The following ADGRB3 variants were observed in gnomAD, a reference collection of about 807,000 sequenced individuals.
ADGRB3 encodes the protein brain-specific angiogenesis inhibitor 3.
A neutral mutation model predicts 193.4 loss-of-function variants in ADGRB3; 37 were observed. That is an observed-to-expected ratio of 0.19 (90% CI 0.15 to 0.25). The LOEUF (loss-of-function observed/expected upper bound fraction) is 0.25. Ranked by LOEUF, ADGRB3 falls within the 10% of genes least tolerant of loss-of-function variation. The probability of loss-of-function intolerance (pLI) is 1.00; values close to 1 mark genes in which losing one functional copy is unlikely to be tolerated. For missense variants in ADGRB3, 1,637 were observed against 1,852.9 expected, an observed-to-expected ratio of 0.88 and a Z score of 2.14; for synonymous variants, 690 against 644.2, an observed-to-expected ratio of 1.07 and a Z score of -1.08.
At chr6:68,868,909 TG>T (rs942390882) in intron 3 of ADGRB3, among the ~76,000 whole-genome samples, 1 of 63,506 alleles carries the variant, frequency 1.6e-5, no homozygotes, top group Non-Finnish European at 3.5e-5. Flanking sequence ...TTCCAGATAA[TG>T]ATGTGTGTGT....
At chr6:69,278,762 C>T (rs1182738908) in intron 20 of ADGRB3, among the ~76,000 whole-genome samples, 1 of 151,960 alleles carries the variant, frequency 6.6e-6, no homozygotes, top group African/African-American at 2.4e-5. Context: ...GATTTGGTCT[C>T]AGTTTTGTTT....
In ADGRB3 at chr6:69,031,090, T is replaced by G. The variant is rs544254442; in HGVS notation, c.2107+12591T>G. Among the ~76,000 whole-genome samples the G allele has an allele frequency of 8.4e-4, 78 of 93,212 alleles. 4 individuals are homozygous for G. Among genetic ancestry groups the G allele is most frequent in the African/African-American group, 3.1e-3 (73 of 23,272 alleles). 61.2% of individuals were successfully genotyped at this position (93,212 alleles called of 152,430 possible). A position where few individuals can be genotyped will look rare whatever the true frequency, so the allele number is the denominator to read the frequency against. On this transcript the variant is annotated intron_variant, in intron 13 of 31. Transcript: ENST00000370598. ...TCTTCTCTTCTCTTCTCTTCTCTTC[T>G]CTTCTCTTCTCTTCTCTTCTCTTCT...
chr6:68,786,985 G>A (rs890105563), intron 3 of ADGRB3, among the ~76,000 whole-genome samples: 62 of 152,164 alleles, frequency 4.1e-4, no homozygotes, highest in Admixed American at 2.5e-3. Context: ...GAATGCTTGT[G>A]ATTTTTGCAC....
At chr6:69,059,086 T>C (rs1292215122) in intron 15 of ADGRB3, among the ~76,000 whole-genome samples, 1 of 152,106 alleles carries the variant, frequency 6.6e-6, no homozygotes, top group African/African-American at 2.4e-5. Flanking sequence ...TTGTTACTAT[T>C]TATTTCTTTC....
At chr6:68,669,851 T>C (rs769837244) in intron 3 of ADGRB3, among the ~76,000 whole-genome samples, 1 of 151,974 alleles carries the variant, frequency 6.6e-6, no homozygotes, top group Non-Finnish European at 1.5e-5. Flanking sequence ...TCCAAACTGT[T>C]GTCCATAGTG....
chr6:68,961,585 G>A (rs1768234797), intron 8 of ADGRB3, among the ~76,000 whole-genome samples: 1 of 152,076 alleles, frequency 6.6e-6, no homozygotes, highest in Non-Finnish European at 1.5e-5. Flanking sequence ...TTTTGTCTTT[G>A]AGACAAATTT....
chr6:69,068,167 C>T (rs1771964102), intron 16 of ADGRB3, among the ~76,000 whole-genome samples: 1 of 152,112 alleles, frequency 6.6e-6, no homozygotes, highest in Non-Finnish European at 1.5e-5. Flanking sequence ...AATAGTGACT[C>T]CTCCAAAGAC....
chr6:69,210,169 T>TATATATATATATATATATAA (rs1195654301), intron 17 of ADGRB3, among the ~76,000 whole-genome samples: 1 of 131,118 alleles, frequency 7.6e-6, no homozygotes, highest in African/African-American at 3.0e-5. Context: ...TATATATATA[T>TATATATATATATATATATAA]AAAGGGGAGT....
rs188973673 is a variant in ADGRB3 at position 68,693,259 on chromosome 6, C to T, written c.757+53827C>T. On this transcript the variant is annotated intron_variant, in intron 3 of 31. Coordinates refer to ENST00000370598, the MANE Select transcript of ADGRB3 (RefSeq NM_001704.3). Reference sequence around the variant, plus strand: ...TTGATATCACTGTTTTAAAAGTTTGCCTTTTAACTCCTACTCCTATTTTGA... The same window carrying T: ...TTGATATCACTGTTTTAAAAGTTTGTCTTTTAACTCCTACTCCTATTTTGA... Among the ~76,000 whole-genome samples the T allele has an allele frequency of 3.4e-3, 521 of 151,872 alleles. 2 individuals carry two copies. The highest frequency in any genetic ancestry group is 5.3e-3 in the Non-Finnish European group (359 of 67,840).
At chr6:68,904,593 A>G (rs1033382816) in intron 3 of ADGRB3, among the ~76,000 whole-genome samples, 1 of 152,212 alleles carries the variant, frequency 6.6e-6, no homozygotes, top group African/African-American at 2.4e-5. Context: ...ATCTGATACT[A>G]TTCATTTGAA....
In ADGRB3 at chr6:69,082,665, T is replaced by C. The variant is rs61008508; in HGVS notation, c.2480+6627T>C. 3.3e-3 allele frequency among the ~76,000 whole-genome samples: 498 copies of C among 152,292 alleles called. 2 individuals are homozygous for C. The highest frequency in any genetic ancestry group is 0.012 in the African/African-American group (482 of 41,582). On this transcript the variant is annotated intron_variant, in intron 17 of 31. Coordinates refer to ENST00000370598, the MANE Select transcript of ADGRB3 (RefSeq NM_001704.3). Reference sequence around the variant, plus strand: ...ACTTTCTAGGTTTTTCTTTTATGCATATTTTTGTAATCTGTTGTATTTCTT... The same window carrying C: ...ACTTTCTAGGTTTTTCTTTTATGCACATTTTTGTAATCTGTTGTATTTCTT...
chr6:69,259,459 G>A (rs1193821074), intron 20 of ADGRB3, among the ~76,000 whole-genome samples: 2 of 151,998 alleles, frequency 1.3e-5, no homozygotes, highest in Admixed American at 6.6e-5. Flanking sequence ...ATTTTGGGAG[G>A]CCAAGGTGGG....
intron 25 of ADGRB3, 75 bp downstream of exon 25, chr6:69,339,089 A>G: frequency 4.6e-6 from 7 of 1,519,082 alleles, no homozygotes; most frequent in Non-Finnish European, 6.4e-6. Flanking sequence ...TGATGAAAAA[A>G]AATTGTGTTT....
intron 13 of ADGRB3, among the ~76,000 whole-genome samples, chr6:69,033,606 TA>T (rs1285366657): frequency 1.3e-5 from 2 of 152,160 alleles, no homozygotes; most frequent in African/African-American, 4.8e-5. Context: ...TAGTTTAGCA[TA>T]TTTTTTTAAT....
At chr6:69,205,583 G>C (rs1438584346) in intron 17 of ADGRB3, among the ~76,000 whole-genome samples, 1 of 152,092 alleles carries the variant, frequency 6.6e-6, no homozygotes, top group Non-Finnish European at 1.5e-5. Flanking sequence ...GGAATTTCAA[G>C]AAAATGGCAC....
intron 17 of ADGRB3, among the ~76,000 whole-genome samples, chr6:69,120,653 G>A (rs547993596): frequency 2.6e-5 from 4 of 152,300 alleles, no homozygotes; most frequent in South Asian, 2.1e-4. Context: ...ACTAGAGAGG[G>A]GAGATGGTAG....
chr6:68,803,859 C>T (rs995624818), intron 3 of ADGRB3, among the ~76,000 whole-genome samples: 14 of 152,134 alleles, frequency 9.2e-5, no homozygotes, highest in Non-Finnish European at 1.9e-4. Flanking sequence ...AAGTCCAAAT[C>T]GATTATTTTT....
At chr6:68,931,807 T>C (rs774475121) in intron 4 of ADGRB3, among the ~76,000 whole-genome samples, 2 of 152,084 alleles carry the variant, frequency 1.3e-5, no homozygotes, top group Non-Finnish European at 2.9e-5. Context: ...TGTAAGGAGG[T>C]CAAATTTTCA....
intron 29 of ADGRB3, among the ~76,000 whole-genome samples, chr6:69,364,498 A>T (rs1036698509): frequency 2.6e-5 from 4 of 152,068 alleles, no homozygotes; most frequent in African/African-American, 9.7e-5. Context: ...AGTTCAATAA[A>T]TTCATGAAGT....
Sources: gnomAD v4.1 joint callset for allele counts (sites outside exome capture counted in the v4.1 genomes callset) on GRCh38, gnomAD v4.1.1 for gene constraint, MANE v1.5 for transcripts, NCBI Gene and HGNC (gene_info 2026-07-23, HGNC 2026-07-21) for gene names.